The following PTGFRN variants were observed in gnomAD, a reference collection of about 807,000 sequenced individuals.
PTGFRN encodes the protein prostaglandin F2 receptor negative regulator.
PTGFRN carries 35 observed loss-of-function variants against 83.2 expected under a neutral mutation model. The ratio of observed to expected loss-of-function variants is 0.42; its 90% CI spans 0.32 to 0.56. The LOEUF is 0.56. Among genes scored for constraint, PTGFRN ranks in the 20% least tolerant of loss-of-function variants. The pLI is 0.11. For missense variants in PTGFRN, 1,051 were observed against 1,179.5 expected (o/e 0.89, Z 1.60); for synonymous variants, 519 against 498.6 (o/e 1.04, Z -0.55).
chr1:116,981,416 G>A (rs1253356455), intron 7 of PTGFRN, among the ~76,000 whole-genome samples: 1 of 152,178 alleles, frequency 6.6e-6, no homozygotes, highest in African/African-American at 2.4e-5. Context: ...GTTTCTATGT[G>A]GAGACTGCTG....
chr1:116,938,049 T>G (rs906157531), intron 1 of PTGFRN, among the ~76,000 whole-genome samples: 1 of 152,182 alleles, frequency 6.6e-6, no homozygotes, highest in African/African-American at 2.4e-5. Context: ...ATTGGGAGAT[T>G]CAGAATTGTC....
chr1:116,955,673 G>C (rs1411617875), intron 4 of PTGFRN, among the ~76,000 whole-genome samples: 1 of 152,168 alleles, frequency 6.6e-6, no homozygotes, highest in Non-Finnish European at 1.5e-5. Context: ...AAATGCCTGT[G>C]CCCAAAATGA....
intron 6 of PTGFRN, among the ~76,000 whole-genome samples, chr1:116,971,096 T>G (rs770661906): frequency 2.6e-5 from 4 of 152,218 alleles, no homozygotes; most frequent in Non-Finnish European, 5.9e-5. Context: ...TGTTAACTTG[T>G]GTTGTTCATC....
At position 116,958,153 on chromosome 1, in the gene PTGFRN, A is replaced by C. The variant is rs900851615; in HGVS notation, c.1214-3090A>C. Among the ~76,000 whole-genome samples, 1 of 152,128 alleles carries C rather than the reference A, an allele frequency of 6.6e-6. No individual in the cohort carries two copies. The highest frequency in any genetic ancestry group is 2.4e-5 in the African/African-American group (1 of 41,414). On this transcript the variant is annotated intron_variant, in intron 4 of 8. Transcript: ENST00000393203. The surrounding 1 kb of genome is among the most constrained non-coding windows in gnomAD (Gnocchi z 4.9). ...AAGAATCTGCACGGGGGTGGAAGTA[A>C]ACCATTAAGGATCAAAGGGTCTGTC...
At chr1:116,979,305 T>G (rs1570679529) in intron 7 of PTGFRN, among the ~76,000 whole-genome samples, 1 of 152,124 alleles carries the variant, frequency 6.6e-6, no homozygotes, top group East Asian at 1.9e-4. Flanking sequence ...CCAAGGTAAT[T>G]TATAGATTCA....
chr1:116,915,457 C>T (rs1001652363), intron 1 of PTGFRN, among the ~76,000 whole-genome samples: 1 of 152,236 alleles, frequency 6.6e-6, no homozygotes, highest in Non-Finnish European at 1.5e-5. Context: ...GTGCTGTGGC[C>T]TTCAGAGATT....
chr1:116,962,321 G>A (rs1409300995), intron 5 of PTGFRN: 3 of 152,042 alleles, frequency 2.0e-5, no homozygotes, highest in Non-Finnish European at 2.9e-5. Flanking sequence ...AGAGCACTGG[G>A]TCACAATTGG....
At chr1:116,927,106 G>A (rs896644723) in intron 1 of PTGFRN, among the ~76,000 whole-genome samples, 1 of 152,158 alleles carries the variant, frequency 6.6e-6, no homozygotes, top group African/African-American at 2.4e-5. Context: ...GAAAGAGCAA[G>A]GACAAACGGG....
rs746791474 is a variant in PTGFRN, at chr1:116,966,960, C to T, written c.1689C>T (p.Ala563=). ...KARQPKPFFA[A]GNTFEMTCKV... ...GGCAGCCAAAGCCTTTCTTTGCTGC[C>T]GGAAATACATTTGAGATGACTTGCA... The change falls in exon 6 of 9, where the codon GCC becomes GCT. Residue 563 remains alanine (A), a synonymous_variant. Transcript: ENST00000393203. 4.4e-5 allele frequency: 71 copies of T among 1,611,266 alleles called. No individual in the cohort carries two copies. Among genetic ancestry groups the T allele is most frequent in the South Asian group, 2.3e-4 (21 of 90,994 alleles).
intron 6 of PTGFRN, 116 bp from the exon 7 acceptor site, chr1:116,974,100 T>G: frequency 1.3e-6 from 1 of 759,492 alleles, no homozygotes; most frequent in African/African-American, 1.7e-5. Context: ...TTTTGTGAGT[T>G]TCTAGACCAG....
At chr1:116,944,262 T>C (rs929577104) in intron 2 of PTGFRN, among the ~76,000 whole-genome samples, 1 of 152,228 alleles carries the variant, frequency 6.6e-6, no homozygotes, top group Admixed American at 6.5e-5. Flanking sequence ...CAATGATTTA[T>C]CATGACAGCT....
intron 6 of PTGFRN, among the ~76,000 whole-genome samples, chr1:116,970,880 G>T (rs1650976419): frequency 1.3e-5 from 2 of 152,144 alleles, no homozygotes; most frequent in Non-Finnish European, 2.9e-5. Flanking sequence ...CTGCTTTTTG[G>T]TATTAAAAAC....
intron 1 of PTGFRN, among the ~76,000 whole-genome samples, chr1:116,920,164 G>A (rs190277189): frequency 5.3e-5 from 8 of 152,302 alleles, no homozygotes; most frequent in Non-Finnish European, 7.4e-5. Context: ...GAAATTGTTC[G>A]GTCCTTGTGT....
chr1:116,935,869 C>T (rs950246980), intron 1 of PTGFRN, among the ~76,000 whole-genome samples: 1 of 151,986 alleles, frequency 6.6e-6, no homozygotes, highest in African/African-American at 2.4e-5. Flanking sequence ...TTGAACAACC[C>T]AGTAGTGTCC....
intron 4 of PTGFRN, among the ~76,000 whole-genome samples, chr1:116,959,280 C>A (rs1650579517): frequency 6.6e-6 from 1 of 152,142 alleles, no homozygotes; most frequent in African/African-American, 2.4e-5. Context: ...TCAGAATGGC[C>A]AGTGGATTCC....
At position 116,918,726 on chromosome 1, in the gene PTGFRN, T is replaced by C. The variant is rs985729521; in HGVS notation, c.49+8474T>C. Among the ~76,000 whole-genome samples, 4 of 152,130 alleles carry C rather than the reference T, an allele frequency of 2.6e-5. No homozygotes were observed. The highest frequency in any genetic ancestry group is 2.1e-4 in the South Asian group (1 of 4,822). ...TAGCAGTGAAGGATGGAGGATAGCA[T>C]AGGTCTGTAGTAAAGGCAGTGGGCC... On this transcript the variant is annotated intron_variant, in intron 1 of 8. Transcript: ENST00000393203. The surrounding 1 kb of genome is among the most constrained non-coding windows in gnomAD (Gnocchi z 4.1).
At chr1:116,938,548 C>T (rs369497504) in intron 1 of PTGFRN, among the ~76,000 whole-genome samples, 4 of 152,158 alleles carry the variant, frequency 2.6e-5, no homozygotes, top group African/African-American at 9.7e-5. Flanking sequence ...GACCTGCCCC[C>T]ATAATTCCAT....
chr1:116,960,280 C>G (rs759396777), intron 4 of PTGFRN, among the ~76,000 whole-genome samples: 1 of 152,106 alleles, frequency 6.6e-6, no homozygotes, highest in African/African-American at 2.4e-5. Context: ...TGGAGAACCT[C>G]GAGTAATCAG....
intron 7 of PTGFRN, among the ~76,000 whole-genome samples, chr1:116,975,979 A>G (rs1420997501): frequency 6.6e-6 from 1 of 152,222 alleles, no homozygotes; most frequent in Non-Finnish European, 1.5e-5. Context: ...CGTTGAAAAA[A>G]GATTAGACGA....
Sources: gnomAD v4.1 joint callset for allele counts (sites outside exome capture counted in the v4.1 genomes callset) on GRCh38, gnomAD v4.1.1 for gene constraint, Gnocchi (gnomAD v3.1) non-coding constraint, MANE v1.5 for transcripts, NCBI Gene and HGNC (gene_info 2026-07-23, HGNC 2026-07-21) for gene names.